FAF1: variants seen among roughly 807,000 people sequenced by gnomAD.
The protein encoded by FAF1 is Fas associated factor 1.
A neutral mutation model predicts 92.5 loss-of-function variants in FAF1; 25 were observed. The ratio of observed to expected loss-of-function variants is 0.27; its 90% CI spans 0.20 to 0.38. The LOEUF is 0.38. FAF1 is among the 10% of genes least tolerant of loss of function. The pLI is 1.00. For missense variants in FAF1, 636 were observed against 793.3 expected (o/e 0.80, Z 2.38); for synonymous variants, 234 against 273.2 (o/e 0.86, Z 1.42).
intron 15 of FAF1, among the ~76,000 whole-genome samples, chr1:50,516,717 G>C (rs1647233594): frequency 6.6e-6 from 1 of 152,176 alleles, no homozygotes; most frequent in East Asian, 1.9e-4. Context: ...CTTTCAAAGT[G>C]AAATCCTGTA....
intron 13 of FAF1, among the ~76,000 whole-genome samples, chr1:50,547,197 A>C (rs1649063218): frequency 6.6e-6 from 1 of 151,542 alleles, no homozygotes; most frequent in Non-Finnish European, 1.5e-5. Context: ...CCGGACCTCA[A>C]ATTTTTTTCT....
intron 7 of FAF1, among the ~76,000 whole-genome samples, chr1:50,677,039 C>T (rs1569740539): frequency 6.6e-6 from 1 of 151,978 alleles, no homozygotes; most frequent in South Asian, 2.1e-4. Context: ...TTGTTATAAA[C>T]CATTGCTATA....
chr1:50,709,872 ATACTT>A (rs1657844422), intron 6 of FAF1, among the ~76,000 whole-genome samples: 1 of 152,324 alleles, frequency 6.6e-6, no homozygotes. Flanking sequence ...AGAAGGGAGA[ATACTT>A]TAAAGTACTA....
At chr1:50,466,352 G>A (rs1021453611) in intron 18 of FAF1, among the ~76,000 whole-genome samples, 4 of 152,142 alleles carry the variant, frequency 2.6e-5, no homozygotes, top group African/African-American at 9.7e-5. Context: ...AGGTTTTTAG[G>A]GGACAGTAGG....
chr1:50,533,430 A>G (rs1244694969), intron 15 of FAF1, among the ~76,000 whole-genome samples: 1 of 152,168 alleles, frequency 6.6e-6, no homozygotes, highest in Non-Finnish European at 1.5e-5. Flanking sequence ...TATTTTATGT[A>G]AATTCAAATG....
intron 1 of FAF1, among the ~76,000 whole-genome samples, chr1:50,862,283 G>C (rs1177900287): frequency 1.3e-5 from 2 of 151,826 alleles, no homozygotes; most frequent in African/African-American, 4.8e-5. Context: ...CAACTCAGTA[G>C]ACAAAGTCTA....
intron 6 of FAF1, among the ~76,000 whole-genome samples, chr1:50,724,843 G>T (rs1658578343): frequency 6.6e-6 from 1 of 152,120 alleles, no homozygotes; most frequent in South Asian, 2.1e-4. Context: ...ATTGTGGTAG[G>T]TGCACTCTGG....
chr1:50,513,250 C>A (rs760417350), intron 15 of FAF1, among the ~76,000 whole-genome samples: 9 of 152,122 alleles, frequency 5.9e-5, no homozygotes, highest in Middle Eastern at 3.2e-3. Flanking sequence ...GAGGCCAAGG[C>A]GGGCAGATTG....
intron 8 of FAF1, among the ~76,000 whole-genome samples, chr1:50,598,827 G>A (rs145950928): frequency 0.01 from 1,522 of 152,106 alleles, 23 homozygotes; most frequent in African/African-American, 0.035. Flanking sequence ...AAAATTAGCC[G>A]GGCATGGTGG....
intron 6 of FAF1, among the ~76,000 whole-genome samples, chr1:50,724,484 T>G (rs1399597192): frequency 6.6e-6 from 1 of 152,080 alleles, no homozygotes; most frequent in African/African-American, 2.4e-5. Flanking sequence ...ATGGGTATAG[T>G]GGAGTGCATA....
intron 13 of FAF1, among the ~76,000 whole-genome samples, chr1:50,558,669 CAAT>C (rs1649716127): frequency 1.3e-5 from 2 of 152,084 alleles, no homozygotes; most frequent in Admixed American, 6.5e-5. Flanking sequence ...AATGGCTTGC[CAAT>C]AATATCACCT....
At chr1:50,640,077 T>C (rs981818615) in intron 8 of FAF1, among the ~76,000 whole-genome samples, 1 of 152,146 alleles carries the variant, frequency 6.6e-6, no homozygotes, top group Admixed American at 6.6e-5. Context: ...TTTGGTAAAA[T>C]GTGTTAAAAT....
intron 8 of FAF1, among the ~76,000 whole-genome samples, chr1:50,619,651 CA>C (rs561777182): frequency 5.7e-4 from 87 of 152,148 alleles, no homozygotes; most frequent in African/African-American, 2.0e-3. Flanking sequence ...ATGACTTGAC[CA>C]TTCTCTCTAG....
At chr1:50,933,081 G>A (rs58895507) in intron 1 of FAF1, among the ~76,000 whole-genome samples, 3,107 of 152,222 alleles carry the variant, frequency 0.02, 101 homozygotes, top group African/African-American at 0.071. Context: ...CTGGGCCTCC[G>A]TGCCTATGAT....
At chr1:50,592,750 C>G (rs554835448) in intron 9 of FAF1, among the ~76,000 whole-genome samples, 1 of 152,178 alleles carries the variant, frequency 6.6e-6, no homozygotes, top group Non-Finnish European at 1.5e-5. Context: ...GAGCTTAAAA[C>G]CAGTTTGGCC....
At chr1:50,627,463 G>A (rs934427178) in intron 8 of FAF1, among the ~76,000 whole-genome samples, 1 of 151,954 alleles carries the variant, frequency 6.6e-6, no homozygotes, top group African/African-American at 2.4e-5. Context: ...ACAGATAAAC[G>A]GGTGAAATAT....
chr1:50,569,727 T>G (rs1421680435), intron 12 of FAF1, among the ~76,000 whole-genome samples: 1 of 152,176 alleles, frequency 6.6e-6, no homozygotes, highest in Non-Finnish European at 1.5e-5. Flanking sequence ...CAATGGAACA[T>G]TTAGACTTTG....
chr1:50,502,532 C>T (rs1056448411), intron 15 of FAF1, among the ~76,000 whole-genome samples: 1 of 152,150 alleles, frequency 6.6e-6, no homozygotes, highest in African/African-American at 2.4e-5. Flanking sequence ...GTATTGGTTT[C>T]ATTGACTGTT....
chr1:50,942,639 T>C (rs1570168718), intron 1 of FAF1, among the ~76,000 whole-genome samples: 3 of 152,286 alleles, frequency 2.0e-5, no homozygotes, highest in Admixed American at 2.0e-4. Flanking sequence ...GCTAACAACC[T>C]GGCCTGTTAC....
Sources: allele counts gnomAD v4.1 joint callset (sites outside exome capture counted in the v4.1 genomes callset), GRCh38; gene constraint gnomAD v4.1.1; transcripts MANE v1.5; gene names NCBI Gene and HGNC (gene_info 2026-07-23, HGNC 2026-07-21).